Variants in ZHX2 observed in about 807,000 individuals in gnomAD.
The protein encoded by ZHX2 is zinc fingers and homeoboxes 2.
Under a neutral mutation model 21.9 loss-of-function variants are expected in ZHX2, and 6 were observed. The observed-to-expected ratio is 0.27, with a 90% confidence interval of 0.15 to 0.54. The LOEUF (loss-of-function observed/expected upper bound fraction) is 0.54, where lower values mean the gene tolerates loss of function less well. Among genes scored for constraint, ZHX2 ranks in the 20% least tolerant of loss-of-function variants. The probability of loss-of-function intolerance (pLI) is 0.95; values close to 1 mark genes in which losing one functional copy is unlikely to be tolerated. For missense variants in ZHX2, 908 were observed against 1,090.7 expected (o/e 0.83, Z 2.36); for synonymous variants, 434 against 437.1 (o/e 0.99, Z 0.09).
chr8:122,810,780 C>T (rs117995076), intron 1 of ZHX2, among the ~76,000 whole-genome samples: 4,687 of 150,964 alleles, frequency 0.031, 83 homozygotes, highest in East Asian at 0.053. Flanking sequence ...TATCCACAGA[C>T]TAGCATGTCT....
chr8:122,862,080 G>A (rs376607134), intron 1 of ZHX2, among the ~76,000 whole-genome samples: 1 of 152,174 alleles, frequency 6.6e-6, no homozygotes. Flanking sequence ...CAAAACTGAG[G>A]AGGAGGGAAG....
chr8:122,927,903 C>G (rs1034750618), intron 2 of ZHX2, among the ~76,000 whole-genome samples: 3 of 152,134 alleles, frequency 2.0e-5, no homozygotes, highest in African/African-American at 7.2e-5. Flanking sequence ...CTTGGGAACA[C>G]CAGGCACAGG....
At chr8:122,872,457 C>G (rs150208022) in intron 2 of ZHX2, among the ~76,000 whole-genome samples, 1 of 152,184 alleles carries the variant, frequency 6.6e-6, no homozygotes, top group Admixed American at 6.5e-5. Context: ...TTGCCTCTTC[C>G]TCCACTATTA....
At chr8:122,969,186 A>G (rs1319657762) in intron 3 of ZHX2, among the ~76,000 whole-genome samples, 1 of 151,888 alleles carries the variant, frequency 6.6e-6, no homozygotes, top group East Asian at 1.9e-4. Flanking sequence ...AGAGAGAAAT[A>G]TTATGGAGCA....
intron 1 of ZHX2, among the ~76,000 whole-genome samples, chr8:122,851,354 T>C (rs1003912639): frequency 3.3e-5 from 5 of 152,088 alleles, no homozygotes; most frequent in Non-Finnish European, 7.4e-5. Flanking sequence ...GTTTGGGAAG[T>C]CTCTCAATGA....
chr8:122,933,786 G>C (rs11775498), intron 2 of ZHX2, among the ~76,000 whole-genome samples: 1 of 152,200 alleles, frequency 6.6e-6, no homozygotes, highest in Admixed American at 6.5e-5. Flanking sequence ...TCCTGGCTCA[G>C]GGTGTAGAGT....
In ZHX2 at chr8:122,940,223, G is replaced by T. The variant is rs1812807612; in HGVS notation, c.-219-11069G>T. On this transcript the variant is annotated intron_variant, in intron 2 of 3. Transcript: ENST00000314393. ...CTTCAGCCTGTGCCCCACTTCTACT[G>T]ACCTGGTGAGCACTAATGCTGAGCA... 2.6e-5 allele frequency among the ~76,000 whole-genome samples: 4 copies of T among 152,314 alleles called. No homozygotes were observed. In the South Asian group the frequency reaches 8.3e-4, roughly 32 times the overall value.
chr8:122,888,703 G>A lies in ZHX2; in HGVS notation c.-220+25164G>A, dbSNP rs181582497. The stretch of plus-strand genomic sequence containing the variant: ...TCACCATGTTGGTCAGTCTGGTCTC[G>A]AACTCCTGACCTCAGGTAATCTGCC... On this transcript the variant is annotated intron_variant, in intron 2 of 3. Coordinates refer to ENST00000314393, the MANE Select transcript of ZHX2 (RefSeq NM_014943.5). Among the ~76,000 whole-genome samples, 95 of 152,200 alleles carry A rather than the reference G, an allele frequency of 6.2e-4. 1 individual carries two copies. In the East Asian group the frequency reaches 0.016, roughly 26 times the overall value.
At chr8:122,851,612 A>T (rs536253642) in intron 1 of ZHX2, among the ~76,000 whole-genome samples, 9 of 152,176 alleles carry the variant, frequency 5.9e-5, no homozygotes, top group Non-Finnish European at 1.0e-4. Flanking sequence ...GATCCTCAGT[A>T]CCTGGCACAT....
intron 1 of ZHX2, among the ~76,000 whole-genome samples, chr8:122,805,640 A>G (rs564990883): frequency 1.3e-5 from 2 of 151,736 alleles, no homozygotes; most frequent in Admixed American, 1.3e-4. Context: ...TCAAAATGAA[A>G]CATAAGAGCT....
chr8:122,817,689 A>G (rs1818064219), intron 1 of ZHX2, among the ~76,000 whole-genome samples: 4 of 152,258 alleles, frequency 2.6e-5, no homozygotes, highest in Admixed American at 2.6e-4. Context: ...GCCTCTTGCC[A>G]GAAGTGAACT....
chr8:122,953,740 A>G lies in ZHX2; in HGVS notation c.2230A>G (p.Lys744Glu), dbSNP rs1335679051. The change falls in exon 3 of 4, where the codon AAG becomes GAG. Residue 744 changes from lysine (K) to glutamate (E), a missense_variant. Lys to Glu is a moderately conservative substitution (Grantham distance 56). This residue lies in a region of ZHX2 where 431 missense variants were observed against 428.6 expected (regional missense o/e 1.01). Transcript: ENST00000314393. The surrounding 1 kb of genome is among the most constrained non-coding windows in gnomAD (Gnocchi z 4.6). ...PKKLCEEDLE[K>E]LVTRVKVGSE... is the part of the protein sequence containing the mutation. ...AAAGCTCTGCGAAGAGGACTTGGAG[A>G]AGTTGGTGACCAGGGTAAAAGTAGG... 1.7e-5 allele frequency: 27 copies of G among 1,614,114 alleles called. No individual in the cohort carries two copies. Among genetic ancestry groups the G allele is most frequent in the Non-Finnish European group, 2.2e-5 (26 of 1,180,048 alleles).
rs768798371 is a variant in ZHX2 at position 122,845,934 on chromosome 8, C to G, written c.-282-17543C>G. Among the ~76,000 whole-genome samples, 6 of 152,164 alleles carry G rather than the reference C, an allele frequency of 3.9e-5. No homozygotes were observed. In the East Asian group the frequency reaches 1.2e-3, roughly 29 times the overall value. ...AGTGGAAAGCCTTCAAAAGTTTAAG[C>G]GGGAGAGCGCTGCGACCTGATCCAC... On this transcript the variant is annotated intron_variant, in intron 1 of 3. Transcript: ENST00000314393.
intron 3 of ZHX2, among the ~76,000 whole-genome samples, chr8:122,965,232 G>A (rs1813551763): frequency 6.6e-6 from 1 of 151,976 alleles, no homozygotes; most frequent in Non-Finnish European, 1.5e-5. Context: ...TTCTTGAGGT[G>A]TGAGTTTAGG....
chr8:122,867,301 T>G (rs1819323731), intron 2 of ZHX2, among the ~76,000 whole-genome samples: 1 of 152,222 alleles, frequency 6.6e-6, no homozygotes, highest in Admixed American at 6.5e-5. Context: ...GGGTGTTTCC[T>G]GCAGGCAGTT....
chr8:122,856,695 A>G (rs996286818), intron 1 of ZHX2, among the ~76,000 whole-genome samples: 1 of 152,094 alleles, frequency 6.6e-6, no homozygotes, highest in African/African-American at 2.4e-5. Flanking sequence ...ACCTGGGAGA[A>G]TGTTTCCCTC....
rs540293468 is a variant in ZHX2, at chr8:122,853,642, G to A, written c.-282-9835G>A. ...CCCTTGCTCTGGACCTCACCCCTCCGCTCCCCTCCTTGGAATTCATACTCT... is the reference window on the plus strand; with the variant it reads ...CCCTTGCTCTGGACCTCACCCCTCCACTCCCCTCCTTGGAATTCATACTCT... On this transcript the variant is annotated intron_variant, in intron 1 of 3. Coordinates refer to ENST00000314393, the MANE Select transcript of ZHX2 (RefSeq NM_014943.5). Among the ~76,000 whole-genome samples, 14 of 151,942 alleles carry A rather than the reference G, an allele frequency of 9.2e-5. No individual in the cohort carries two copies. In the South Asian group the frequency reaches 2.3e-3, roughly 25 times the overall value.
At chr8:122,879,730 A>G (rs1254289933) in intron 2 of ZHX2, among the ~76,000 whole-genome samples, 2 of 152,070 alleles carry the variant, frequency 1.3e-5, no homozygotes, top group African/African-American at 4.8e-5. Flanking sequence ...CCCTCGGGCC[A>G]CGTTCCCACA....
intron 2 of ZHX2, among the ~76,000 whole-genome samples, chr8:122,899,620 T>G (rs539685378): frequency 1.7e-4 from 26 of 152,232 alleles, no homozygotes; most frequent in African/African-American, 6.0e-4. Context: ...CGTCATGAGT[T>G]TTTTGCTGCA....
Sources: gnomAD v4.1 joint callset for allele counts (sites outside exome capture counted in the v4.1 genomes callset) on GRCh38, gnomAD v4.1.1 for gene constraint, gnomAD v4.1.1 regional missense constraint, Gnocchi (gnomAD v3.1) non-coding constraint, MANE v1.5 for transcripts, NCBI Gene and HGNC (gene_info 2026-07-23, HGNC 2026-07-21) for gene names.